Variants in CTNNA3 observed in about 807,000 individuals in gnomAD.
CTNNA3 encodes the protein catenin alpha-3.
Under a neutral mutation model 95.7 loss-of-function variants are expected in CTNNA3, and 76 were observed. That is an observed-to-expected ratio of 0.79 (90% confidence interval 0.66 to 0.96). The LOEUF (loss-of-function observed/expected upper bound fraction) is 0.96, where lower values mean the gene tolerates loss of function less well. Among genes scored for constraint, CTNNA3 ranks in the 40% least tolerant of loss-of-function variants. CTNNA3 has a pLI of 0.00. For synonymous variants in CTNNA3, 431 were observed against 374.4 expected (o/e 1.15, Z -1.74); for missense variants, 1,191 against 1,089.8 (o/e 1.09, Z -1.31).
Position 67,318,781 on chromosome 10 carries a change from C to T in CTNNA3, c.580-98911G>A, listed in dbSNP as rs115706435. 3.3e-3 allele frequency among the ~76,000 whole-genome samples: 509 copies of T among 152,344 alleles called. 4 individuals are homozygous for T. The highest frequency in any genetic ancestry group is 0.011 in the African/African-American group (464 of 41,588). On this transcript the variant is annotated intron_variant, in intron 5 of 17. Coordinates refer to ENST00000433211, the MANE Select transcript of CTNNA3 (RefSeq NM_013266.4). ...TCACCTTATTTAAAATTGCAGACCA[C>T]GTTGCTTTCCAGCTTTACTAGCCCT...
intron 11 of CTNNA3, among the ~76,000 whole-genome samples, chr10:66,466,534 C>T (rs1379661466): frequency 6.6e-6 from 1 of 152,008 alleles, no homozygotes; most frequent in Non-Finnish European, 1.5e-5. Flanking sequence ...CTACCATTTC[C>T]CCCCTCACTC....
chr10:66,613,976 G>A lies in CTNNA3; in HGVS notation c.1374+7716C>T, dbSNP rs529319215. Among the ~76,000 whole-genome samples the A allele has an allele frequency of 5.3e-5, 8 of 152,112 alleles. No homozygotes were observed. In the East Asian group the frequency reaches 7.7e-4, roughly 15 times the overall value. ...TTAGAAAATTAAGTGCTTTCAGTTC[G>A]CAGATATGACAACTTCTCTACCAGA... On this transcript the variant is annotated intron_variant, in intron 10 of 17. Coordinates refer to ENST00000433211, the MANE Select transcript of CTNNA3 (RefSeq NM_013266.4).
At chr10:67,761,955 A>G (rs180748863) in intron 1 of CTNNA3, among the ~76,000 whole-genome samples, 161 of 152,208 alleles carry the variant, frequency 1.1e-3, no homozygotes, top group Admixed American at 9.2e-3. Context: ...ACCAACTGAA[A>G]TTTGCATATG....
chr10:66,039,856 C>T (rs1217450161), intron 15 of CTNNA3, among the ~76,000 whole-genome samples: 5 of 152,006 alleles, frequency 3.3e-5, no homozygotes, highest in African/African-American at 7.2e-5. Context: ...AAAGCAATTG[C>T]GACAAAAGCA....
chr10:67,036,258 T>A (rs889031626), intron 7 of CTNNA3, among the ~76,000 whole-genome samples: 2 of 151,768 alleles, frequency 1.3e-5, no homozygotes, highest in Non-Finnish European at 2.9e-5. Context: ...GCTCAAGAGA[T>A]CCTCCACCAC....
At chr10:66,875,277 T>C (rs1447221468) in intron 7 of CTNNA3, among the ~76,000 whole-genome samples, 2 of 152,000 alleles carry the variant, frequency 1.3e-5, no homozygotes, top group African/African-American at 4.8e-5. Flanking sequence ...AGTGGTTACA[T>C]AACTGTCCCA....
intron 9 of CTNNA3, among the ~76,000 whole-genome samples, chr10:66,765,168 T>G (rs1315421370): frequency 6.6e-6 from 1 of 151,992 alleles, no homozygotes; most frequent in East Asian, 1.9e-4. Flanking sequence ...AGAAAGAGAG[T>G]TTATAGCGCA....
chr10:66,954,970 A>G (rs1225794411), intron 7 of CTNNA3, among the ~76,000 whole-genome samples: 2 of 152,188 alleles, frequency 1.3e-5, no homozygotes, highest in Non-Finnish European at 2.9e-5. Flanking sequence ...TCAATTAGGA[A>G]AAGTACCAAG....
rs145562099 is a variant in CTNNA3 at position 66,066,486 on chromosome 10, G to A, written c.2159+2822C>T. Among the ~76,000 whole-genome samples the A allele has an allele frequency of 2.7e-3, 404 of 152,122 alleles. 7 individuals carry two copies. The highest frequency in any genetic ancestry group is 9.0e-3 in the African/African-American group (375 of 41,512). ...GAGACATATACAAACAGATTTCTCC[G>A]AATCTTTGCCTGCAGAAATTGAACC... is the stretch of plus-strand genomic sequence containing the variant. On this transcript the variant is annotated intron_variant, in intron 15 of 17. Transcript: ENST00000433211.
At chr10:66,487,989 G>T (rs904800050) in intron 11 of CTNNA3, among the ~76,000 whole-genome samples, 11 of 152,118 alleles carry the variant, frequency 7.2e-5, no homozygotes, top group African/African-American at 2.7e-4. Context: ...TGTGTATATG[G>T]GTAGAAAATC....
At chr10:67,637,111 CT>C (rs1564799420) in intron 2 of CTNNA3, among the ~76,000 whole-genome samples, 8 of 152,006 alleles carry the variant, frequency 5.3e-5, no homozygotes. Flanking sequence ...AGTTAAAAAC[CT>C]TGAAAAAAGA....
chr10:66,360,182 T>C (rs2092642846), intron 12 of CTNNA3, among the ~76,000 whole-genome samples: 1 of 136,880 alleles, frequency 7.3e-6, no homozygotes, highest in African/African-American at 2.5e-5. Flanking sequence ...TATATCTATA[T>C]ATAAAAACAC....
At chr10:67,233,423 AC>A (rs1455665201) in intron 5 of CTNNA3, among the ~76,000 whole-genome samples, 4 of 149,762 alleles carry the variant, frequency 2.7e-5, no homozygotes, top group Non-Finnish European at 4.4e-5. Flanking sequence ...TGGGTACATA[AC>A]GAAATGAAGG....
intron 7 of CTNNA3, among the ~76,000 whole-genome samples, chr10:66,843,434 G>C (rs1843139222): frequency 6.6e-6 from 1 of 152,194 alleles, no homozygotes; most frequent in South Asian, 2.1e-4. Flanking sequence ...AGATGTGCCT[G>C]ATAAACACCA....
chr10:66,219,687 T>C (rs1288228650), intron 13 of CTNNA3, among the ~76,000 whole-genome samples: 1 of 151,972 alleles, frequency 6.6e-6, no homozygotes, highest in African/African-American at 2.4e-5. Flanking sequence ...ATGAGACAAC[T>C]GAGATAAAAT....
chr10:67,581,665 T>C (rs1218900827), intron 3 of CTNNA3, among the ~76,000 whole-genome samples: 1 of 152,230 alleles, frequency 6.6e-6, no homozygotes, highest in Non-Finnish European at 1.5e-5. Context: ...TCTGGTAGAA[T>C]TCGGCTGTGA....
At chr10:66,636,307 T>G (rs952161347) in intron 9 of CTNNA3, among the ~76,000 whole-genome samples, 3 of 152,090 alleles carry the variant, frequency 2.0e-5, no homozygotes, top group African/African-American at 7.2e-5. Context: ...AGGTTTAATC[T>G]TAACTACCCC....
intron 13 of CTNNA3, among the ~76,000 whole-genome samples, chr10:66,247,609 T>C (rs7089783): frequency 0.81 from 122,893 of 152,090 alleles, 49,986 homozygotes; most frequent in South Asian, 0.94. Flanking sequence ...AGAAAAGAAA[T>C]AAATAACATA....
At chr10:66,481,523 C>G (rs4492696) in intron 11 of CTNNA3, among the ~76,000 whole-genome samples, 19,081 of 113,120 alleles carry the variant, frequency 0.17, 3,636 homozygotes, top group East Asian at 0.83. Context: ...CCAGGCTGGA[C>G]TGCAGTGGCA....
Sources: gnomAD v4.1 joint callset for allele counts (sites outside exome capture counted in the v4.1 genomes callset) on GRCh38, gnomAD v4.1.1 for gene constraint, MANE v1.5 for transcripts, NCBI Gene and HGNC (gene_info 2026-07-23, HGNC 2026-07-21) for gene names.